The following HOXC10 variants were observed in gnomAD, a reference collection of about 807,000 sequenced individuals.
HOXC10 encodes homeobox C10.
HOXC10 carries 15 observed loss-of-function variants against 26.0 expected under a neutral mutation model. The observed-to-expected ratio is 0.58, with a 90% CI of 0.39 to 0.89. The LOEUF is 0.89. Among genes scored for constraint, HOXC10 ranks in the 40% least tolerant of loss-of-function variants. The pLI is 0.00. For synonymous variants in HOXC10, 196 were observed against 185.5 expected, an observed-to-expected ratio of 1.06 and a Z score of -0.46; for missense variants, 446 against 451.9, an observed-to-expected ratio of 0.99 and a Z score of 0.12.
intron 1 of HOXC10, among the ~76,000 whole-genome samples, chr12:53,988,773 G>T (rs1939473928): frequency 6.6e-6 from 1 of 152,198 alleles, no homozygotes; most frequent in Non-Finnish European, 1.5e-5. Context: ...TCTGGTCTGG[G>T]GCCTGGAAAA....
In HOXC10 at chr12:53,989,731, C is replaced by T. The variant is rs554792945; in HGVS notation, c.*285C>T. 182 of 430,568 alleles carry T rather than the reference C, an allele frequency of 4.2e-4. 1 individual carries two copies. Among genetic ancestry groups the T allele is most frequent in the Non-Finnish European group, 5.5e-4 (133 of 242,770 alleles). 26.7% of individuals were successfully genotyped at this position (430,568 alleles called of 1,614,324 possible). A position where few individuals can be genotyped will look rare whatever the true frequency, so the allele number is the denominator to read the frequency against. ...TGTGTGTCAAGCCCTCACTCACCCA[C>T]GCACTCACACACAGCATTCTGTTCT... On this transcript the variant is annotated 3_prime_UTR_variant, in exon 2 of 2. Coordinates refer to ENST00000303460, the MANE Select transcript of HOXC10 (RefSeq NM_017409.4).
chr12:53,985,669 G>A lies in HOXC10; in HGVS notation c.410G>A (p.Cys137Tyr). 6.2e-7 allele frequency: 1 copy of A among 1,612,276 alleles called. No homozygotes were observed. ...TACTCCCACCCCTTGCCGGAGTCCT[G>A]CCTTGGGGAGCACGAGGTACCCGTG... is the stretch of plus-strand genomic sequence containing the variant. ...ALYSHPLPESCLGEHEVPVPS... is the reference protein window; with the variant it reads ...ALYSHPLPESYLGEHEVPVPS... The change falls in exon 1 of 2, where the codon TGC becomes TAC. Residue 137 changes from cysteine to tyrosine, a missense_variant. Coordinates refer to ENST00000303460, the MANE Select transcript of HOXC10 (RefSeq NM_017409.4).
chr12:53,988,269 C>T (rs547847848), intron 1 of HOXC10, among the ~76,000 whole-genome samples: 12 of 152,206 alleles, frequency 7.9e-5, no homozygotes, highest in African/African-American at 2.9e-4. Flanking sequence ...TATAGTATCT[C>T]CTTACAAAAA....
Position 53,989,712 on chromosome 12 carries a change from T to A in HOXC10, c.*266T>A. Reference sequence around the variant, plus strand: ...GGTGGGAGTGTGGCTGGTGTGTGTGTCAAGCCCTCACTCACCCACGCACTC... The same window carrying A: ...GGTGGGAGTGTGGCTGGTGTGTGTGACAAGCCCTCACTCACCCACGCACTC... On this transcript the variant is annotated 3_prime_UTR_variant, in exon 2 of 2. Coordinates refer to ENST00000303460, the MANE Select transcript of HOXC10 (RefSeq NM_017409.4). 2.0e-6 allele frequency: 1 copy of A among 502,100 alleles called. No individual in the cohort carries two copies. Among genetic ancestry groups the A allele is most frequent in the South Asian group, 3.1e-5 (1 of 32,542 alleles). The allele number at this position is 502,100 out of a possible 1,614,324, so 31.1% of individuals were successfully genotyped here.
chr12:53,989,802 A>G lies in HOXC10; in HGVS notation c.*356A>G. The G allele has an allele frequency of 4.3e-6, 1 of 230,504 alleles. No homozygotes were observed. Among genetic ancestry groups the G allele is most frequent in the Non-Finnish European group, 8.4e-6 (1 of 119,200 alleles). The allele number at this position is 230,504 out of a possible 1,614,324, so 14.3% of individuals were successfully genotyped here. A position where few individuals can be genotyped will look rare whatever the true frequency, so the allele number is the denominator to read the frequency against. On this transcript the variant is annotated 3_prime_UTR_variant, in exon 2 of 2. Transcript: ENST00000303460. The stretch of plus-strand genomic sequence containing the variant: ...ATCCATCCGCTTGTAGGGGAAAAAA[A>G]GGAAAAAAATTAACCAGAGAGGGTC...
rs747284003 is a variant in HOXC10, at chr12:53,989,415, G to C, written c.998G>C (p.Arg333Pro). ...AAAATGAACCGAGAGAATCGGATCCGGGAACTGACCTCCAATTTTAATTTC... is the reference window on the plus strand; with the variant it reads ...AAAATGAACCGAGAGAATCGGATCCCGGAACTGACCTCCAATTTTAATTTC... Reference protein sequence around the residue: ...LKKMNRENRIRELTSNFNFT With the variant: ...LKKMNRENRIPELTSNFNFT Residue 333 changes from arginine to proline, a missense_variant, in exon 2 of 2, where the codon CGG (arginine) becomes CCG (proline). Arg to Pro is a moderately radical substitution (Grantham distance 103, BLOSUM62 -2). Coordinates refer to ENST00000303460, the MANE Select transcript of HOXC10 (RefSeq NM_017409.4). 1.2e-6 allele frequency: 2 copies of C among 1,613,508 alleles called. No homozygotes were observed. Among genetic ancestry groups the C allele is most frequent in the Non-Finnish European group, 1.7e-6 (2 of 1,179,850 alleles).
intron 1 of HOXC10, 159 bp downstream of exon 1, chr12:53,986,169 G>A: frequency 1.3e-6 from 1 of 795,008 alleles, no homozygotes; most frequent in Non-Finnish European, 1.9e-6. Flanking sequence ...CTCCAGGCTG[G>A]TGGCGCGTCA....
At position 53,985,504 on chromosome 12, in the gene HOXC10, C is replaced by T; in HGVS notation, c.245C>T (p.Pro82Leu). ...TCGCAGCTGGACTCCTGGGGCGACC[C>T]CAAAGCCGCCTATCGCCTGGAACAA... ...YLSQLDSWGDPKAAYRLEQPV... is the reference protein window; with the variant it reads ...YLSQLDSWGDLKAAYRLEQPV... The change falls in exon 1 of 2, where the codon CCC becomes CTC. Residue 82 changes from proline to leucine, a missense_variant. Pro to Leu is a moderately conservative substitution (Grantham distance 98). Coordinates refer to ENST00000303460, the MANE Select transcript of HOXC10 (RefSeq NM_017409.4). 1.2e-6 allele frequency: 2 copies of T among 1,613,860 alleles called. No individual in the cohort carries two copies. Among genetic ancestry groups the T allele is most frequent in the South Asian group, 1.1e-5 (1 of 91,090 alleles).
rs1592201230 is a variant in HOXC10, at chr12:53,986,065, C to A, written c.751+55C>A. 12 of 1,486,070 alleles carry A rather than the reference C, an allele frequency of 8.1e-6. No individual in the cohort carries two copies. In the East Asian group the frequency reaches 1.2e-4, roughly 15 times the overall value. The allele number at this position is 1,486,070 out of a possible 1,614,324, so 92.1% of individuals were successfully genotyped here. A position where few individuals can be genotyped will look rare whatever the true frequency, so the allele number is the denominator to read the frequency against. On this transcript the variant is annotated intron_variant, in intron 1 of 1. Transcript: ENST00000303460. ...GGGACGTTCCGGCACTTGGTCTTCG[C>A]GGCCGGGGAGGGGGGCAGGGGAGAG...
In HOXC10 at chr12:53,985,331, C is replaced by T; in HGVS notation, c.72C>T (p.Arg24=). Residue 24 remains arginine, a synonymous_variant, in exon 1 of 2, where the codon CGC becomes CGT. Coordinates refer to ENST00000303460, the MANE Select transcript of HOXC10 (RefSeq NM_017409.4). Reference sequence around the variant, plus strand: ...TGGCTGCGCCCGGCGGAGGAGAGCGCTATAGCCGGAGCGCAGGCATGTATA... The same window carrying T: ...TGGCTGCGCCCGGCGGAGGAGAGCGTTATAGCCGGAGCGCAGGCATGTATA... ...EPLAAPGGGE[R]YSRSAGMYMQ... is the part of the protein sequence containing the mutation. 6.2e-7 allele frequency: 1 copy of T among 1,612,328 alleles called. No individual in the cohort carries two copies. The highest frequency in any genetic ancestry group is 8.5e-7 in the Non-Finnish European group (1 of 1,178,934).
rs1366864783 is a variant in HOXC10, at chr12:53,990,144, C to G, written c.*698C>G. Reference sequence around the variant, plus strand: ...ATAGCAAAGCAAAGACAGAATGCCCCCCCCCCCAAATATTGTCCTGTCCCT... The same window carrying G: ...ATAGCAAAGCAAAGACAGAATGCCCGCCCCCCCAAATATTGTCCTGTCCCT... On this transcript the variant is annotated 3_prime_UTR_variant, in exon 2 of 2. Transcript: ENST00000303460. 1 of 145,126 alleles carries G rather than the reference C, an allele frequency of 6.9e-6. No homozygotes were observed. Among genetic ancestry groups the G allele is most frequent in the Non-Finnish European group, 1.5e-5 (1 of 67,084 alleles). The allele number at this position is 145,126 out of a possible 1,614,324, so 9.0% of individuals were successfully genotyped here. A position where few individuals can be genotyped will look rare whatever the true frequency, so the allele number is the denominator to read the frequency against.
chr12:53,985,880 G>C lies in HOXC10; in HGVS notation c.621G>C (p.Gln207His). Residue 207 changes from glutamine to histidine, a missense_variant, in exon 1 of 2, where the codon CAG (glutamine) becomes CAC (histidine). By Grantham distance (24) the Gln-to-His change is conservative. Coordinates refer to ENST00000303460, the MANE Select transcript of HOXC10 (RefSeq NM_017409.4). ...SFPETPKSDS[Q>H]TPSPNEIKTE... ...CTGAGACCCCCAAGTCCGACAGCCA[G>C]ACCCCCAGCCCCAATGAAATCAAGA... 1 of 1,613,906 alleles carries C rather than the reference G, an allele frequency of 6.2e-7. No homozygotes were observed. The highest frequency in any genetic ancestry group is 1.1e-5 in the South Asian group (1 of 91,082).
chr12:53,989,795 GA>G lies in HOXC10; in HGVS notation c.*356del, dbSNP rs538916203. On this transcript the variant is annotated 3_prime_UTR_variant, in exon 2 of 2. Coordinates refer to ENST00000303460, the MANE Select transcript of HOXC10 (RefSeq NM_017409.4). Reference sequence around the variant, plus strand: ...AGATCGAATCCATCCGCTTGTAGGGGAAAAAAAGGAAAAAAATTAACCAGAG... The same window carrying G: ...AGATCGAATCCATCCGCTTGTAGGGGAAAAAAGGAAAAAAATTAACCAGAG... 9.2e-5 allele frequency: 21 copies of G among 229,096 alleles called. No individual in the cohort carries two copies. The highest frequency in any genetic ancestry group is 2.1e-4 in the Admixed American group (4 of 18,664). 14.2% of individuals were successfully genotyped at this position (229,096 alleles called of 1,614,324 possible).
rs772487104 is a variant in HOXC10 at position 53,989,209 on chromosome 12, A to G, written c.792A>G (p.Thr264=). 28 of 1,610,354 alleles carry G rather than the reference A, an allele frequency of 1.7e-5. No individual in the cohort carries two copies. Among genetic ancestry groups the G allele is most frequent in the Non-Finnish European group, 2.3e-5 (27 of 1,178,908 alleles). The part of the protein sequence containing the change: ...KAENTTGNWL[T]AKSGRKKRCP... ...AAAACACCACAGGAAATTGGCTGAC[A>G]GCAAAGAGCGGAAGGAAGAAGAGGT... Residue 264 remains threonine, a synonymous_variant, in exon 2 of 2, where the codon ACA becomes ACG. Transcript: ENST00000303460.
At chr12:53,988,430 C>T (rs984976870) in intron 1 of HOXC10, among the ~76,000 whole-genome samples, 27 of 152,318 alleles carry the variant, frequency 1.8e-4, no homozygotes, top group Middle Eastern at 3.4e-3. Context: ...CAGGATATGT[C>T]TCTCCCTTGA....
rs369948426 is a variant in HOXC10, at chr12:53,985,973, C to T, written c.714C>T (p.Ala238=). 3.9e-5 allele frequency: 63 copies of T among 1,598,454 alleles called. No homozygotes were observed. The highest frequency in any genetic ancestry group is 5.1e-5 in the Non-Finnish European group (60 of 1,172,664). The change falls in exon 1 of 2, where the codon GCC becomes GCT. Residue 238 remains alanine, a synonymous_variant. Transcript: ENST00000303460. ...GCGAAAAGGAGAGGGCCAAAGCTGC[C>T]GACTCCAGCCCAGACACCTCGGATA... ...SESEKERAKA[A]DSSPDTSDNE...
In HOXC10 at chr12:53,989,188, C is replaced by T; in HGVS notation, c.771C>T (p.Asn257=). ...TAACAGAGGAGATAAAGGCAGAAAA[C>T]ACCACAGGAAATTGGCTGACAGCAA... The part of the protein sequence containing the change: ...NEAKEEIKAE[N]TTGNWLTAKS... The change falls in exon 2 of 2, where the codon AAC becomes AAT. Residue 257 remains asparagine (N), a synonymous_variant. Transcript: ENST00000303460. The T allele has an allele frequency of 6.2e-7, 1 of 1,605,936 alleles. No individual in the cohort carries two copies. Among genetic ancestry groups the T allele is most frequent in the Non-Finnish European group, 8.5e-7 (1 of 1,177,328 alleles).
chr12:53,985,580 G>A lies in HOXC10; in HGVS notation c.321G>A (p.Glu107=), dbSNP rs1939419469. 6.2e-7 allele frequency: 1 copy of A among 1,613,898 alleles called. No homozygotes were observed. The stretch of plus-strand genomic sequence containing the variant: ...GCTCCTACCCACCTAGTGTCAAGGA[G>A]GAGAATGTCTGCTGCATGTACAGCG... ...SSCSYPPSVK[E]ENVCCMYSAE... The change falls in exon 1 of 2, where the codon GAG becomes GAA. Residue 107 remains glutamate, a synonymous_variant. Coordinates refer to ENST00000303460, the MANE Select transcript of HOXC10 (RefSeq NM_017409.4).
rs1026695273 is a variant in HOXC10 at position 53,988,685 on chromosome 12, C to G, written c.752-484C>G. 6.6e-5 allele frequency among the ~76,000 whole-genome samples: 10 copies of G among 152,246 alleles called. 1 individual carries two copies. The highest frequency in any genetic ancestry group is 6.5e-4 in the Admixed American group (10 of 15,292). ...CTGCAGTGGCCTCTGGCCACAGATC[C>G]TGGAACAAAGTCCCTCCACTGAGTT... On this transcript the variant is annotated intron_variant, in intron 1 of 1. Coordinates refer to ENST00000303460, the MANE Select transcript of HOXC10 (RefSeq NM_017409.4).
Sources: gnomAD v4.1 joint callset for allele counts (sites outside exome capture counted in the v4.1 genomes callset) on GRCh38, gnomAD v4.1.1 for gene constraint, MANE v1.5 for transcripts, NCBI Gene and HGNC (gene_info 2026-07-23, HGNC 2026-07-21) for gene names.